The following BRD10 variants were observed in gnomAD, a reference collection of about 807,000 sequenced individuals.
BRD10 encodes the protein bromodomain containing 10, also known as uncharacterized bromodomain-containing protein 10.
the BRD10 span, among the ~76,000 whole-genome samples, chr9:5,987,717 C>A: frequency 6.6e-6 from 1 of 152,162 alleles, no homozygotes; most frequent in African/African-American, 2.4e-5. Context: ...TAACATAGTT[C>A]GCAATTTGAT....
chr9:5,888,262 A>T, the BRD10 span, among the ~76,000 whole-genome samples: 62 of 152,350 alleles, frequency 4.1e-4, no homozygotes, highest in East Asian at 0.011. Context: ...AAGATAGATC[A>T]TGATGTTAAG....
chr9:6,007,064 C>T, the BRD10 span: 1 of 911,176 alleles, frequency 1.1e-6, no homozygotes. Context: ...CTCCTCCTCC[C>T]GGGCTTCTCC....
At chr9:5,895,223 A>G in the BRD10 span, among the ~76,000 whole-genome samples, 5 of 152,310 alleles carry the variant, frequency 3.3e-5, no homozygotes, top group East Asian at 9.6e-4. Flanking sequence ...AATACATGGA[A>G]CATCATCATC....
the BRD10 span, among the ~76,000 whole-genome samples, chr9:5,961,120 TA>T: frequency 1.3e-5 from 2 of 152,202 alleles, no homozygotes; most frequent in Admixed American, 1.3e-4. Flanking sequence ...ATCAATCTGC[TA>T]AAGTGCCAGG....
chr9:5,928,583 C>T, the BRD10 span, among the ~76,000 whole-genome samples: 1 of 152,154 alleles, frequency 6.6e-6, no homozygotes, highest in African/African-American at 2.4e-5. Flanking sequence ...AAACGCCAAA[C>T]ATGCTATCAA....
chr9:6,004,172 C>G, the BRD10 span, among the ~76,000 whole-genome samples: 352 of 152,334 alleles, frequency 2.3e-3, 3 homozygotes, highest in African/African-American at 7.9e-3. Flanking sequence ...TCTCACTTGT[C>G]ATCCCCACAT....
the BRD10 span, among the ~76,000 whole-genome samples, chr9:5,893,095 TA>T: frequency 6.6e-6 from 1 of 152,322 alleles, no homozygotes; most frequent in African/African-American, 2.4e-5. Flanking sequence ...TTTATATGAT[TA>T]AGCATTTCTA....
At chr9:5,926,204 C>A in the BRD10 span, among the ~76,000 whole-genome samples, 4 of 152,174 alleles carry the variant, frequency 2.6e-5, no homozygotes, top group Non-Finnish European at 5.9e-5. Flanking sequence ...GCGTGAATCA[C>A]TGCGCCTGGC....
At chr9:6,008,237 T>A in the BRD10 span, 18 of 980,782 alleles carry the variant, frequency 1.8e-5, no homozygotes, top group African/African-American at 3.2e-4. Context: ...CAGCGGCGGC[T>A]CCGGCTCCTC....
At chr9:5,888,483 G>A in the BRD10 span, among the ~76,000 whole-genome samples, 141,446 of 152,288 alleles carry the variant, frequency 0.93, 66,104 homozygotes, top group Non-Finnish European at 0.99. Flanking sequence ...TGGAAATGTT[G>A]GACAAAAAGC....
chr9:5,985,113 T>A, the BRD10 span, among the ~76,000 whole-genome samples: 1 of 152,226 alleles, frequency 6.6e-6, no homozygotes, highest in African/African-American at 2.4e-5. Context: ...AATAATACGT[T>A]CAATTGCTTT....
At chr9:5,979,560 G>A in the BRD10 span, among the ~76,000 whole-genome samples, 1 of 151,400 alleles carries the variant, frequency 6.6e-6, no homozygotes, top group African/African-American at 2.4e-5. Context: ...AATCCAAATG[G>A]TTTTGCAAAA....
At chr9:5,899,783 T>C in the BRD10 span, among the ~76,000 whole-genome samples, 1 of 152,220 alleles carries the variant, frequency 6.6e-6, no homozygotes, top group Non-Finnish European at 1.5e-5. Flanking sequence ...TTCTAACTCA[T>C]CTTCATATCT....
chr9:5,966,973 T>A, the BRD10 span, among the ~76,000 whole-genome samples: 6 of 152,342 alleles, frequency 3.9e-5, no homozygotes, highest in Non-Finnish European at 8.8e-5. Flanking sequence ...ACTTTATCAA[T>A]GATACATTAT....
the BRD10 span, among the ~76,000 whole-genome samples, chr9:5,911,542 C>CT: frequency 0.042 from 5,594 of 132,844 alleles, 139 homozygotes; most frequent in Middle Eastern, 0.12. Flanking sequence ...CTTTTCTTTT[C>CT]TTTTTTTTTT....
At chr9:5,967,945 A>C in the BRD10 span, 1 of 904,094 alleles carries the variant, frequency 1.1e-6, no homozygotes, top group Non-Finnish European at 1.7e-6. Flanking sequence ...CAATCAAAGC[A>C]TCCATGATGC....
the BRD10 span, among the ~76,000 whole-genome samples, chr9:5,964,127 A>C: frequency 2.6e-5 from 4 of 151,766 alleles, no homozygotes; most frequent in Non-Finnish European, 4.4e-5. Context: ...CAACCCACAA[A>C]ATGGGAGAAA....
chr9:5,968,860 C>T, the BRD10 span: 565 of 1,613,304 alleles, frequency 3.5e-4, 2 homozygotes, highest in South Asian at 5.7e-3. Context: ...GAATAACTTC[C>T]CTGCATTCAT....
chr9:5,881,462 C>A, the BRD10 span: 7 of 152,138 alleles, frequency 4.6e-5, no homozygotes. Context: ...CTTTCCTAAC[C>A]CCTTTAGTTC....
Sources: gnomAD v4.1 joint callset for allele counts (sites outside exome capture counted in the v4.1 genomes callset) on GRCh38, gnomAD v4.1.1 for gene constraint, MANE v1.5 for transcripts, NCBI Gene and HGNC (gene_info 2026-07-23, HGNC 2026-07-21) for gene names.